CIT: variants seen among roughly 807,000 people sequenced by gnomAD.
CIT encodes the protein citron Rho-interacting kinase.
In CIT, 79 loss-of-function variants were observed where a neutral mutation model predicts 272.7. The ratio of observed to expected loss-of-function variants is 0.29; its 90% confidence interval spans 0.24 to 0.35. The LOEUF is 0.35. Ranked by LOEUF, CIT falls within the 10% of genes least tolerant of loss-of-function variation. The pLI, the probability that CIT is intolerant of heterozygous loss-of-function variation, is 1.00. For synonymous variants in CIT, 948 were observed against 995.6 expected, an observed-to-expected ratio of 0.95 and a Z score of 0.90; for missense variants, 1,909 against 2,618.3, an observed-to-expected ratio of 0.73 and a Z score of 5.91.
chr12:119,707,588 G>A (rs1186301511), intron 40 of CIT, among the ~76,000 whole-genome samples: 1 of 151,778 alleles, frequency 6.6e-6, no homozygotes, highest in Non-Finnish European at 1.5e-5. Flanking sequence ...TGCAACCTCC[G>A]CCTCCTGGGT....
At position 119,869,059 on chromosome 12, in the gene CIT, C is replaced by T; in HGVS notation, c.238+1G>A. On this transcript the variant is annotated splice_donor_variant, in intron 3 of 47. Coordinates refer to ENST00000392521, the MANE Select transcript of CIT (RefSeq NM_001206999.2). LOFTEE classifies it high-confidence loss of function. ...TTCAAGAAAAAGTTCCCCAAACTTACACTTCCGGACAAAGTTGCTCACGTG... is the reference window on the plus strand; with the variant it reads ...TTCAAGAAAAAGTTCCCCAAACTTATACTTCCGGACAAAGTTGCTCACGTG... 1 of 1,608,216 alleles carries T rather than the reference C, an allele frequency of 6.2e-7. No individual in the cohort carries two copies. Among genetic ancestry groups the T allele is most frequent in the African/African-American group, 1.3e-5 (1 of 74,644 alleles).
chr12:119,771,383 G>A (rs1281445510), intron 17 of CIT, among the ~76,000 whole-genome samples: 1 of 152,104 alleles, frequency 6.6e-6, no homozygotes, highest in African/African-American at 2.4e-5. Flanking sequence ...TGTTTTGCAG[G>A]AGGAAGGACA....
chr12:119,792,225 A>G, intron 10 of CIT, among the ~76,000 whole-genome samples: 1 of 152,118 alleles, frequency 6.6e-6, no homozygotes, highest in Non-Finnish European at 1.5e-5. Context: ...ACACCAAACC[A>G]CAGATAACAC....
At position 119,770,166 on chromosome 12, in the gene CIT, C is replaced by A. The variant is rs144799171; in HGVS notation, c.2208+619G>T. Among the ~76,000 whole-genome samples the A allele has an allele frequency of 3.7e-3, 567 of 152,228 alleles. 1 individual carries two copies. The highest frequency in any genetic ancestry group is 6.4e-3 in the Non-Finnish European group (437 of 68,002). On this transcript the variant is annotated intron_variant, in intron 18 of 47. Coordinates refer to ENST00000392521, the MANE Select transcript of CIT (RefSeq NM_001206999.2). The surrounding 1 kb of genome is among the most constrained non-coding windows in gnomAD (Gnocchi z 4.4). Reference sequence around the variant, plus strand: ...CATCTGCAAATACCACCCGAACCTTCCTTGATCAAGTTAATTTGGTGATCA... The same window carrying A: ...CATCTGCAAATACCACCCGAACCTTACTTGATCAAGTTAATTTGGTGATCA...
intron 47 of CIT, among the ~76,000 whole-genome samples, chr12:119,689,540 T>C (rs1157465608): frequency 6.6e-6 from 1 of 152,200 alleles, no homozygotes; most frequent in Non-Finnish European, 1.5e-5. Flanking sequence ...AGAATATCTC[T>C]AGAAACTGCT....
rs58905853 is a variant in CIT at position 119,768,856 on chromosome 12, G to A, written c.2209-1674C>T. On this transcript the variant is annotated intron_variant, in intron 18 of 47. Coordinates refer to ENST00000392521, the MANE Select transcript of CIT (RefSeq NM_001206999.2). The surrounding 1 kb of genome is among the most constrained non-coding windows in gnomAD (Gnocchi z 4.3). Reference sequence around the variant, plus strand: ...TATTTTAAAGCCAATGACATTTGGCGATGTATGTTCAGGCATCATCATTAC... The same window carrying A: ...TATTTTAAAGCCAATGACATTTGGCAATGTATGTTCAGGCATCATCATTAC... Among the ~76,000 whole-genome samples, 1,491 of 152,192 alleles carry A rather than the reference G, an allele frequency of 9.8e-3. 25 individuals are homozygous for A. Among genetic ancestry groups the A allele is most frequent in the African/African-American group, 0.034 (1,413 of 41,522 alleles).
intron 13 of CIT, among the ~76,000 whole-genome samples, chr12:119,781,006 C>G (rs1964238848): frequency 6.6e-6 from 1 of 152,226 alleles, no homozygotes; most frequent in Non-Finnish European, 1.5e-5. Context: ...ACACCAGCTG[C>G]TCCCTCTGGT....
chr12:119,738,435 A>G (rs1958891948), intron 24 of CIT, among the ~76,000 whole-genome samples: 2 of 152,200 alleles, frequency 1.3e-5, no homozygotes, highest in Admixed American at 6.5e-5. Flanking sequence ...CCAAAGATAG[A>G]GAGTAAAAAA....
Position 119,710,660 on chromosome 12 carries a change from T to G in CIT, c.4855-40A>C, listed in dbSNP as rs1957120166. ...AAGAAAAGAAAAACAGAAGACATCG[T>G]GAGGCTGATCTGTTTATGACCAAAC... is the stretch of plus-strand genomic sequence containing the variant. On this transcript the variant is annotated intron_variant, in intron 37 of 47. Coordinates refer to ENST00000392521, the MANE Select transcript of CIT (RefSeq NM_001206999.2). The surrounding 1 kb of genome is among the most constrained non-coding windows in gnomAD (Gnocchi z 5.6). The G allele has an allele frequency of 6.4e-7, 1 of 1,570,954 alleles. No individual in the cohort carries two copies. The highest frequency in any genetic ancestry group is 1.4e-5 in the African/African-American group (1 of 74,048).
intron 5 of CIT, among the ~76,000 whole-genome samples, chr12:119,838,255 T>C (rs1375527794): frequency 2.0e-5 from 3 of 152,064 alleles, no homozygotes; most frequent in East Asian, 1.9e-4. Flanking sequence ...GTATTTTTAG[T>C]AGAGACAGGA....
intron 19 of CIT, among the ~76,000 whole-genome samples, chr12:119,766,379 C>G (rs1443289649): frequency 6.6e-6 from 1 of 152,108 alleles, no homozygotes; most frequent in Non-Finnish European, 1.5e-5. Context: ...CAGCCAGGCA[C>G]AGAAGGACAA....
Position 119,784,371 on chromosome 12 carries a change from A to G in CIT, c.1402-320T>C. ...TTTTTGTTTTGTTTTTGCAGACGTC[A>G]CTTTAATTTTATCCCAAATCCATCT... On this transcript the variant is annotated intron_variant, in intron 11 of 47. Coordinates refer to ENST00000392521, the MANE Select transcript of CIT (RefSeq NM_001206999.2). This position sits in a 1 kb window ranked among gnomAD's most constrained non-coding sequence, Gnocchi z 4.7. 7.9e-7 allele frequency: 1 copy of G among 1,271,454 alleles called. No homozygotes were observed. The highest frequency in any genetic ancestry group is 1.0e-6 in the Non-Finnish European group (1 of 989,986). 78.8% of individuals were successfully genotyped at this position (1,271,454 alleles called of 1,614,324 possible).
chr12:119,701,720 G>A lies in CIT; in HGVS notation c.5446C>T (p.Pro1816Ser), dbSNP rs947930495. Reference protein sequence around the residue: ...FLDKNDHSLAPAVFAASSNSF... With the variant: ...FLDKNDHSLASAVFAASSNSF... The stretch of plus-strand genomic sequence containing the variant: ...TTGGAAGAGGCGGCAAACACAGCAG[G>A]TGCCAAGGAATGGTCATTCTTATCC... The change falls in exon 43 of 48, where the codon CCT (proline) becomes TCT (serine). Residue 1816 changes from proline to serine, a missense_variant. By Grantham distance (74) the Pro-to-Ser change is moderately conservative. Around this residue, in one of 8 missense-constraint regions of CIT, gnomAD observed 780 missense variants for 1,067.2 expected, o/e 0.73. Transcript: ENST00000392521. 3.1e-6 allele frequency: 5 copies of A among 1,614,244 alleles called. No individual in the cohort carries two copies. The highest frequency in any genetic ancestry group is 8.5e-7 in the Non-Finnish European group (1 of 1,180,046).
chr12:119,753,353 A>G (rs537663624), intron 22 of CIT, among the ~76,000 whole-genome samples: 4 of 152,202 alleles, frequency 2.6e-5, no homozygotes, highest in Non-Finnish European at 4.4e-5. Flanking sequence ...TGAAGAGAAG[A>G]AACACTTGCA....
chr12:119,708,973 G>A (rs1957016144), intron 39 of CIT, among the ~76,000 whole-genome samples: 1 of 152,122 alleles, frequency 6.6e-6, no homozygotes, highest in South Asian at 2.1e-4. Flanking sequence ...AACAGACTTG[G>A]ACTATCCAAA....
At chr12:119,720,397 T>G in intron 30 of CIT, 81 bp downstream of exon 30, 2 of 911,478 alleles carry the variant, frequency 2.2e-6, no homozygotes, top group Non-Finnish European at 3.4e-6. Context: ...GTTCCTATGA[T>G]CATATATCAC....
chr12:119,758,560 A>C (rs1961335338), intron 21 of CIT, 31 bp downstream of exon 21: 3 of 1,378,826 alleles, frequency 2.2e-6, no homozygotes, highest in Non-Finnish European at 3.1e-6. Flanking sequence ...AAAGTGTAAT[A>C]ATGTAGGGCA....
At chr12:119,792,616 C>T (rs1054487699) in intron 10 of CIT, among the ~76,000 whole-genome samples, 3 of 151,952 alleles carry the variant, frequency 2.0e-5, no homozygotes, top group Non-Finnish European at 2.9e-5. Context: ...ACTACAGGCA[C>T]GCGCCACTGT....
rs775764374 is a variant in CIT at position 119,782,539 on chromosome 12, C to T, written c.1644G>A (p.Lys548=). Residue 548 remains lysine (K), a synonymous_variant, in exon 13 of 48, where the codon AAG becomes AAA. Transcript: ENST00000392521. ...CTACCTGCTCTTTGATTTCTTGGAG[C>T]TTCCGGCTCTGCTCTCTGATATCAT... ...LLHDIREQSR[K]LQEIKEQEYQ... The T allele has an allele frequency of 6.2e-7, 1 of 1,614,098 alleles. No homozygotes were observed. The highest frequency in any genetic ancestry group is 8.5e-7 in the Non-Finnish European group (1 of 1,180,008).
Sources: allele counts gnomAD v4.1 joint callset (sites outside exome capture counted in the v4.1 genomes callset), GRCh38; gene constraint gnomAD v4.1.1; regional missense constraint gnomAD v4.1.1; non-coding constraint Gnocchi (gnomAD v3.1); transcripts MANE v1.5; gene names NCBI Gene and HGNC (gene_info 2026-07-23, HGNC 2026-07-21).